The following KCNN2 variants were observed in gnomAD, a reference collection of about 807,000 sequenced individuals.
The protein encoded by KCNN2 is small conductance calcium-activated potassium channel protein 2.
A neutral mutation model predicts 55.5 loss-of-function variants in KCNN2; 24 were observed. The observed-to-expected ratio is 0.43, with a 90% CI of 0.31 to 0.61. The LOEUF is 0.61. Among genes scored for constraint, KCNN2 ranks in the 20% least tolerant of loss-of-function variants. The pLI is 0.08. For synonymous variants in KCNN2, 431 were observed against 336.1 expected (o/e 1.28, Z -3.09); for missense variants, 754 against 853.6 (o/e 0.88, Z 1.45).
chr5:114,402,210 G>A (rs983138396), intron 2 of KCNN2, among the ~76,000 whole-genome samples: 11 of 152,218 alleles, frequency 7.2e-5, no homozygotes, highest in Non-Finnish European at 1.0e-4. Context: ...CCTTCTTAGG[G>A]AAGCAGGAAT....
At chr5:114,320,728 C>T (rs765924710) in intron 2 of KCNN2, among the ~76,000 whole-genome samples, 12 of 152,310 alleles carry the variant, frequency 7.9e-5, no homozygotes, top group Non-Finnish European at 7.3e-5. Flanking sequence ...GTTTGTTCCT[C>T]TCCATCCTTC....
intron 2 of KCNN2, among the ~76,000 whole-genome samples, chr5:114,355,671 C>T (rs1757282473): frequency 6.6e-6 from 1 of 150,828 alleles, no homozygotes; most frequent in African/African-American, 2.4e-5. Context: ...AGCCAAGGAA[C>T]CAAACTGGAT....
chr5:114,085,934 T>C (rs949392612), intron 1 of KCNN2, among the ~76,000 whole-genome samples: 4 of 152,112 alleles, frequency 2.6e-5, no homozygotes, highest in Non-Finnish European at 5.9e-5. Context: ...CACTGAGGAT[T>C]CTTATGAATT....
chr5:114,471,745 G>T (rs1445509996), intron 4 of KCNN2, among the ~76,000 whole-genome samples: 1 of 152,156 alleles, frequency 6.6e-6, no homozygotes, highest in African/African-American at 2.4e-5. Flanking sequence ...CATAGAACTA[G>T]ATGGAACAGG....
chr5:114,140,264 T>C (rs889462442), intron 1 of KCNN2, among the ~76,000 whole-genome samples: 1 of 152,212 alleles, frequency 6.6e-6, no homozygotes, highest in Non-Finnish European at 1.5e-5. Context: ...TGCTGACATA[T>C]AGTACGAGGT....
chr5:114,173,213 C>T (rs187239339), intron 1 of KCNN2, among the ~76,000 whole-genome samples: 5 of 151,932 alleles, frequency 3.3e-5, no homozygotes, highest in Non-Finnish European at 2.9e-5. Context: ...ATGTTGTTGG[C>T]ACCTTTGTAA....
At chr5:114,412,164 A>G (rs1474231864) in intron 3 of KCNN2, among the ~76,000 whole-genome samples, 3 of 152,162 alleles carry the variant, frequency 2.0e-5, no homozygotes, top group Non-Finnish European at 4.4e-5. Flanking sequence ...ATCCCTATAG[A>G]GAATATGTAA....
At chr5:114,181,389 T>A (rs905333740) in intron 1 of KCNN2, among the ~76,000 whole-genome samples, 1 of 152,224 alleles carries the variant, frequency 6.6e-6, no homozygotes, top group Non-Finnish European at 1.5e-5. Flanking sequence ...TTATTGGCAA[T>A]GCATATGTCT....
At chr5:114,475,238 C>T (rs1016145953) in intron 5 of KCNN2, among the ~76,000 whole-genome samples, 1 of 152,004 alleles carries the variant, frequency 6.6e-6, no homozygotes, top group Non-Finnish European at 1.5e-5. Context: ...TTGCTGTATT[C>T]CAGGGCCTCT....
intron 2 of KCNN2, among the ~76,000 whole-genome samples, chr5:114,340,188 T>A (rs1387552906): frequency 2.0e-5 from 3 of 152,150 alleles, no homozygotes; most frequent in Non-Finnish European, 4.4e-5. Flanking sequence ...GTTGATTGAA[T>A]CTCCCAACAT....
intron 2 of KCNN2, among the ~76,000 whole-genome samples, chr5:114,236,510 G>A (rs1444994029): frequency 2.0e-5 from 3 of 152,014 alleles, no homozygotes; most frequent in African/African-American, 7.2e-5. Context: ...AGAATCTAAA[G>A]TAAAAGCTAT....
intron 2 of KCNN2, among the ~76,000 whole-genome samples, chr5:114,260,940 AAAG>A (rs1347511169): frequency 5.3e-5 from 8 of 152,182 alleles, no homozygotes; most frequent in Admixed American, 4.6e-4. Context: ...GAAGAGGAAA[AAAG>A]AAGATTGTTT....
At chr5:114,301,504 C>G (rs1343174067) in intron 2 of KCNN2, among the ~76,000 whole-genome samples, 1 of 152,166 alleles carries the variant, frequency 6.6e-6, no homozygotes, top group Non-Finnish European at 1.5e-5. Flanking sequence ...ATGAAACACC[C>G]TTTTAGTGTC....
intron 2 of KCNN2, among the ~76,000 whole-genome samples, chr5:114,326,456 G>C (rs1408222191): frequency 6.6e-6 from 1 of 152,100 alleles, no homozygotes; most frequent in African/African-American, 2.4e-5. Flanking sequence ...TGTGGCTTTT[G>C]TTCTATACCA....
At position 114,262,648 on chromosome 5, in the gene KCNN2, G is replaced by A. The variant is rs547923374; in HGVS notation, c.-185+41083G>A. 8.5e-5 allele frequency among the ~76,000 whole-genome samples: 13 copies of A among 152,254 alleles called. No homozygotes were observed. In the East Asian group the frequency reaches 2.3e-3, roughly 27 times the overall value. ...AGTAATTTTAAATTAAATTCTTCAT[G>A]GCATGAGAAGTGCTTAGAATAGCAG... On this transcript the variant is annotated intron_variant, in intron 2 of 10. Transcript: ENST00000512097.
chr5:114,291,317 C>G (rs1755881933), intron 2 of KCNN2, among the ~76,000 whole-genome samples: 1 of 151,992 alleles, frequency 6.6e-6, no homozygotes, highest in African/African-American at 2.4e-5. Flanking sequence ...TTAGGTTTAT[C>G]TCCTAATGCT....
chr5:114,276,329 T>C (rs1755486825), intron 2 of KCNN2, among the ~76,000 whole-genome samples: 2 of 152,178 alleles, frequency 1.3e-5, no homozygotes, highest in African/African-American at 4.8e-5. Flanking sequence ...GAGAGTTCTG[T>C]ATATGTCTAT....
chr5:114,102,443 A>G (rs1751392083), intron 1 of KCNN2, among the ~76,000 whole-genome samples: 1 of 152,138 alleles, frequency 6.6e-6, no homozygotes, highest in Non-Finnish European at 1.5e-5. Flanking sequence ...TAGTTTAATT[A>G]GATCCCTTTT....
intron 2 of KCNN2, among the ~76,000 whole-genome samples, chr5:114,369,465 G>C (rs1387995547): frequency 1.3e-5 from 2 of 152,128 alleles, no homozygotes; most frequent in Non-Finnish European, 2.9e-5. Flanking sequence ...TCTTGGATTG[G>C]TCTTAAGTTT....
Sources: allele counts gnomAD v4.1 joint callset (sites outside exome capture counted in the v4.1 genomes callset), GRCh38; gene constraint gnomAD v4.1.1; transcripts MANE v1.5; gene names NCBI Gene and HGNC (gene_info 2026-07-23, HGNC 2026-07-21).